The following ATP10B variants were observed in gnomAD, a reference collection of about 807,000 sequenced individuals.
ATP10B encodes ATPase phospholipid transporting 10B (putative).
In ATP10B, 122 loss-of-function variants were observed where a neutral mutation model predicts 141.2. The observed-to-expected ratio is 0.86, with a 90% CI of 0.75 to 1.00. The LOEUF (loss-of-function observed/expected upper bound fraction) is 1.00. Among genes scored for constraint, ATP10B ranks in the 50% least tolerant of loss-of-function variants. The probability of loss-of-function intolerance (pLI) is 0.00; values close to 1 mark genes in which losing one functional copy is unlikely to be tolerated. For missense variants in ATP10B, 1,876 were observed against 1,825.3 expected, an observed-to-expected ratio of 1.03 and a Z score of -0.51; for synonymous variants, 685 against 692.0, an observed-to-expected ratio of 0.99 and a Z score of 0.16.
chr5:160,636,859 CCCTT>C (rs764790140), intron 10 of ATP10B, among the ~76,000 whole-genome samples: 41 of 148,022 alleles, frequency 2.8e-4, no homozygotes, highest in Non-Finnish European at 4.3e-4. Context: ...CATATACCCA[CCCTT>C]CCTTCCTTCC....
At chr5:160,855,799 G>T (rs1035975779), upstream of ATP10B, among the ~76,000 whole-genome samples, 3 of 151,660 alleles carry the variant, frequency 2.0e-5, no homozygotes, top group African/African-American at 7.3e-5. Flanking sequence ...GTTTCCTTGT[G>T]TGTTTATTTG....
At chr5:160,767,492 C>T (rs182035363) in intron 2 of ATP10B, among the ~76,000 whole-genome samples, 10 of 152,178 alleles carry the variant, frequency 6.6e-5, no homozygotes, top group African/African-American at 1.9e-4. Flanking sequence ...GGTAATTCTG[C>T]GATTTGAACC....
chr5:160,654,703 C>T (rs960333154), intron 7 of ATP10B, among the ~76,000 whole-genome samples: 4 of 151,484 alleles, frequency 2.6e-5, no homozygotes, highest in Admixed American at 6.6e-5. Context: ...TTGTCGTCAT[C>T]GTCATCATCA....
chr5:160,597,281 A>G (rs896699443), intron 22 of ATP10B, among the ~76,000 whole-genome samples: 13 of 152,360 alleles, frequency 8.5e-5, no homozygotes, highest in African/African-American at 3.1e-4. Context: ...CCTGACAAAA[A>G]CTAGCAATGG....
intron 1 of ATP10B, among the ~76,000 whole-genome samples, chr5:160,792,053 C>A (rs1351282322): frequency 6.6e-6 from 1 of 152,096 alleles, no homozygotes; most frequent in Non-Finnish European, 1.5e-5. Context: ...GTGTTAAGGG[C>A]CCATTTCAAA....
At chr5:160,575,185 A>G (rs1405512168) in intron 24 of ATP10B, among the ~76,000 whole-genome samples, 1 of 152,112 alleles carries the variant, frequency 6.6e-6, no homozygotes, top group African/African-American at 2.4e-5. Context: ...CAAACTTAAC[A>G]TTGCTAAAAT....
chr5:160,856,480 A>G (rs1311001145), upstream of ATP10B, among the ~76,000 whole-genome samples: 1 of 151,822 alleles, frequency 6.6e-6, no homozygotes, highest in Non-Finnish European at 1.5e-5. Context: ...CCTTTCTAAT[A>G]TGTATGCCTA....
intron 6 of ATP10B, among the ~76,000 whole-genome samples, chr5:160,680,610 T>C (rs1052058145): frequency 6.6e-6 from 1 of 152,204 alleles, no homozygotes; most frequent in African/African-American, 2.4e-5. Flanking sequence ...GTTGAGGACA[T>C]TGAGGTGGCT....
intron 12 of ATP10B, chr5:160,633,960 A>G (rs1404058492): frequency 5.6e-6 from 2 of 358,926 alleles, no homozygotes; most frequent in Admixed American, 7.8e-5. Context: ...GCACCTAGAC[A>G]CAGACCTGCC....
At chr5:160,670,060 G>A (rs771614805) in intron 7 of ATP10B, among the ~76,000 whole-genome samples, 13 of 152,156 alleles carry the variant, frequency 8.5e-5, no homozygotes, top group East Asian at 1.9e-4. Context: ...ATTAGGATTC[G>A]TGGCAGGAGA....
intron 8 of ATP10B, 52 bp from the exon 9 acceptor site, chr5:160,644,296 G>A: frequency 7.9e-7 from 1 of 1,261,032 alleles, no homozygotes; most frequent in South Asian, 1.2e-5. Flanking sequence ...TTTCCTTGCT[G>A]TCACTGGGTA....
At chr5:160,658,619 A>T (rs573759454) in intron 7 of ATP10B, among the ~76,000 whole-genome samples, 9 of 152,322 alleles carry the variant, frequency 5.9e-5, no homozygotes, top group Admixed American at 5.2e-4. Flanking sequence ...ACATTGTACC[A>T]GCCAGGCCAG....
At chr5:160,831,009 G>C (rs138167454) in intron 1 of ATP10B, among the ~76,000 whole-genome samples, 69 of 150,300 alleles carry the variant, frequency 4.6e-4, no homozygotes, top group African/African-American at 1.6e-3. Flanking sequence ...AGAGTGGACA[G>C]AATAGTGTAG....
the ATP10B span, among the ~76,000 whole-genome samples, chr5:160,857,989 A>AT: frequency 1.3e-5 from 2 of 151,800 alleles, no homozygotes; most frequent in African/African-American, 4.8e-5. Context: ...TTCTTGGGGG[A>AT]GAAGTATTCT....
intron 1 of ATP10B, among the ~76,000 whole-genome samples, chr5:160,827,187 C>T (rs1204765081): frequency 6.6e-6 from 1 of 152,200 alleles, no homozygotes; most frequent in Admixed American, 6.5e-5. Context: ...CCCCCAGAGG[C>T]CCAGCTGTAA....
rs1581631107 is a variant in ATP10B, at chr5:160,837,349, G to A, written c.-576+14592C>T. Among the ~76,000 whole-genome samples, 9 of 152,226 alleles carry A rather than the reference G, an allele frequency of 5.9e-5. No homozygotes were observed. In the East Asian group the frequency reaches 1.7e-3, roughly 29 times the overall value. ...AATCATAAATGGCTTGAGGTCAAGG[G>A]ATATATTTAATTCCTCTTAGTACCT... On this transcript the variant is annotated intron_variant, in intron 1 of 25. Coordinates refer to ENST00000327245, the MANE Select transcript of ATP10B (RefSeq NM_025153.3).
At chr5:160,759,950 C>T (rs1768907525) in intron 2 of ATP10B, among the ~76,000 whole-genome samples, 1 of 152,208 alleles carries the variant, frequency 6.6e-6, no homozygotes, top group Non-Finnish European at 1.5e-5. Context: ...AGACCCAGCA[C>T]TTCCACCGCA....
intron 13 of ATP10B, 43 bp downstream of exon 13, chr5:160,632,086 C>T (rs1353473315): frequency 3.9e-6 from 6 of 1,546,070 alleles, no homozygotes; most frequent in Middle Eastern, 3.5e-4. Context: ...TCCCTCTCTT[C>T]CCACAGAACA....
intron 24 of ATP10B, among the ~76,000 whole-genome samples, chr5:160,582,983 C>CT (rs955505912): frequency 6.6e-6 from 1 of 152,118 alleles, no homozygotes; most frequent in African/African-American, 2.4e-5. Flanking sequence ...TCCCTCTAAT[C>CT]TTTTTTCAAG....
Sources: gnomAD v4.1 joint callset for allele counts (sites outside exome capture counted in the v4.1 genomes callset) on GRCh38, gnomAD v4.1.1 for gene constraint, MANE v1.5 for transcripts, NCBI Gene and HGNC (gene_info 2026-07-23, HGNC 2026-07-21) for gene names.